Variants in PTPRD observed in about 807,000 individuals in gnomAD.
The protein encoded by PTPRD is receptor-type tyrosine-protein phosphatase delta.
In PTPRD, 34 loss-of-function variants were observed where a neutral mutation model predicts 214.5. The observed-to-expected ratio is 0.16, with a 90% CI of 0.12 to 0.21. PTPRD has a LOEUF of 0.21. PTPRD is among the 10% of genes least tolerant of loss of function. The pLI is 1.00. For missense variants in PTPRD, 2,545 were observed against 2,398.7 expected, an observed-to-expected ratio of 1.06 and a Z score of -1.27; for synonymous variants, 1,128 against 845.7, an observed-to-expected ratio of 1.33 and a Z score of -5.79.
intron 5 of PTPRD, among the ~76,000 whole-genome samples, chr9:9,829,002 T>A (rs969381803): frequency 6.6e-6 from 1 of 151,926 alleles, no homozygotes. Context: ...ACATCTGAAA[T>A]GAGTTGATAC....
chr9:9,370,632 G>T (rs2059206290), intron 9 of PTPRD, among the ~76,000 whole-genome samples: 1 of 151,524 alleles, frequency 6.6e-6, no homozygotes, highest in Non-Finnish European at 1.5e-5. Flanking sequence ...GCCCTGGCCA[G>T]AACTTCCAAC....
At chr9:9,760,346 A>G (rs556432437) in intron 6 of PTPRD, among the ~76,000 whole-genome samples, 68 of 152,272 alleles carry the variant, frequency 4.5e-4, no homozygotes, top group African/African-American at 1.6e-3. Flanking sequence ...TCCAGGAAAT[A>G]GAAGAGTATT....
At chr9:9,748,546 G>A (rs935219990) in intron 6 of PTPRD, among the ~76,000 whole-genome samples, 24 of 152,086 alleles carry the variant, frequency 1.6e-4, no homozygotes, top group Admixed American at 3.3e-4. Context: ...TAATTATAAC[G>A]ACAGAAAAGC....
intron 14 of PTPRD, among the ~76,000 whole-genome samples, chr9:8,582,942 G>A (rs2093311980): frequency 6.6e-6 from 1 of 152,172 alleles, no homozygotes; most frequent in Admixed American, 6.5e-5. Context: ...GTATGAGTTG[G>A]AGCACTGCTT....
chr9:10,182,444 G>A (rs2099303102), intron 3 of PTPRD, among the ~76,000 whole-genome samples: 1 of 151,330 alleles, frequency 6.6e-6, no homozygotes, highest in Non-Finnish European at 1.5e-5. Context: ...CTGGAAAATA[G>A]GGGAGATCAA....
At chr9:9,928,755 T>TACACACACACACACACACAC (rs545488105) in intron 5 of PTPRD, among the ~76,000 whole-genome samples, 222 of 109,658 alleles carry the variant, frequency 2.0e-3, no homozygotes, top group African/African-American at 7.8e-3. Context: ...TCTCTCTCTC[T>TACACACACACACACACACAC]ATACACACAC....
chr9:8,531,001 C>G (rs2139644049), intron 14 of PTPRD, among the ~76,000 whole-genome samples: 1 of 152,220 alleles, frequency 6.6e-6, no homozygotes, highest in South Asian at 2.1e-4. Flanking sequence ...ATAATACCTT[C>G]CTATCAGACC....
chr9:8,354,733 C>A (rs1161783761), intron 39 of PTPRD, among the ~76,000 whole-genome samples: 1 of 152,172 alleles, frequency 6.6e-6, no homozygotes, highest in African/African-American at 2.4e-5. Context: ...CCACGTCTCC[C>A]CTTCCACCAG....
intron 3 of PTPRD, among the ~76,000 whole-genome samples, chr9:10,061,990 C>G (rs1378159677): frequency 6.6e-6 from 1 of 151,856 alleles, no homozygotes; most frequent in African/African-American, 2.4e-5. Context: ...TTAACAAGCC[C>G]TCCAGGGGAT....
chr9:8,346,379 C>T (rs1038364955), intron 39 of PTPRD, among the ~76,000 whole-genome samples: 65 of 152,216 alleles, frequency 4.3e-4, no homozygotes, highest in East Asian at 1.4e-3. Context: ...GAGGTGAAAA[C>T]ATCATATAGA....
intron 10 of PTPRD, among the ~76,000 whole-genome samples, chr9:9,118,694 A>G (rs1428413563): frequency 6.6e-6 from 1 of 152,194 alleles, no homozygotes; most frequent in Non-Finnish European, 1.5e-5. Context: ...GTTACTTGCA[A>G]GCATAGACAG....
intron 11 of PTPRD, among the ~76,000 whole-genome samples, chr9:8,840,582 T>A (rs1265412916): frequency 6.6e-6 from 1 of 152,236 alleles, no homozygotes; most frequent in African/African-American, 2.4e-5. Context: ...CTATCTCTTC[T>A]TACTCCACCA....
At chr9:10,244,935 G>C (rs2091833293) in intron 3 of PTPRD, among the ~76,000 whole-genome samples, 1 of 152,002 alleles carries the variant, frequency 6.6e-6, no homozygotes, top group Non-Finnish European at 1.5e-5. Context: ...AATTTATTTT[G>C]ATTATCAGTA....
rs915104811 is a variant in PTPRD, at chr9:8,314,951, G to A, written c.*2923C>T. 1 of 232,308 alleles carries A rather than the reference G, an allele frequency of 4.3e-6. No homozygotes were observed. The highest frequency in any genetic ancestry group is 8.5e-6 in the Non-Finnish European group (1 of 117,246). 14.4% of individuals were successfully genotyped at this position (232,308 alleles called of 1,614,324 possible). ...CCATGCAAATCATTTTTAAAAAAGA[G>A]CTAAAATAAAGTTCTGTACAAATCA... is the stretch of plus-strand genomic sequence containing the variant. On this transcript the variant is annotated 3_prime_UTR_variant, in exon 46 of 46. Transcript: ENST00000381196.
intron 9 of PTPRD, among the ~76,000 whole-genome samples, chr9:9,242,479 C>G (rs1024694785): frequency 6.6e-6 from 1 of 152,160 alleles, no homozygotes; most frequent in African/African-American, 2.4e-5. Flanking sequence ...CTTTCAGGTA[C>G]ACCAATCAGA....
intron 8 of PTPRD, among the ~76,000 whole-genome samples, chr9:9,536,508 A>T (rs1421251646): frequency 6.6e-6 from 1 of 152,038 alleles, no homozygotes; most frequent in Non-Finnish European, 1.5e-5. Context: ...AAAACCAATC[A>T]ACCCGTTTAA....
At chr9:8,568,301 G>C (rs1043905564) in intron 14 of PTPRD, among the ~76,000 whole-genome samples, 5 of 152,068 alleles carry the variant, frequency 3.3e-5, no homozygotes, top group Admixed American at 6.6e-5. Flanking sequence ...AGAATTTCAT[G>C]AATACTGTGG....
intron 2 of PTPRD, among the ~76,000 whole-genome samples, chr9:10,542,049 T>C (rs530288612): frequency 2.3e-4 from 35 of 152,304 alleles, no homozygotes; most frequent in South Asian, 6.2e-4. Context: ...CAATTATTTC[T>C]CAAGGTGAGA....
chr9:9,672,756 A>T (rs563291633), intron 7 of PTPRD, among the ~76,000 whole-genome samples: 1 of 152,254 alleles, frequency 6.6e-6, no homozygotes, highest in East Asian at 1.9e-4. Flanking sequence ...ACAAAAAAAA[A>T]TTAGTGATGT....
Sources: allele counts gnomAD v4.1 joint callset (sites outside exome capture counted in the v4.1 genomes callset), GRCh38; gene constraint gnomAD v4.1.1; transcripts MANE v1.5; gene names NCBI Gene and HGNC (gene_info 2026-07-23, HGNC 2026-07-21).